Variants in ZNF420 observed in about 807,000 individuals in gnomAD.
The protein encoded by ZNF420 is zinc finger protein 420, also known as ATM and p53-associated KZNF protein.
Under a neutral mutation model 44.7 loss-of-function variants are expected in ZNF420, and 31 were observed. That is an observed-to-expected ratio of 0.69 (90% CI 0.52 to 0.94). The LOEUF (loss-of-function observed/expected upper bound fraction) is 0.94, where lower values mean the gene tolerates loss of function less well. Among genes scored for constraint, ZNF420 ranks in the 40% least tolerant of loss-of-function variants. The pLI is 0.00. For synonymous variants in ZNF420, 245 were observed against 267.4 expected (o/e 0.92, Z 0.82); for missense variants, 681 against 827.9 (o/e 0.82, Z 2.18).
upstream of ZNF420, among the ~76,000 whole-genome samples, chr19:37,073,766 A>G (rs1271796674): frequency 6.6e-6 from 1 of 150,714 alleles, no homozygotes; most frequent in Non-Finnish European, 1.5e-5. Context: ...AAAAAAAAAA[A>G]GAAAAGAAAA....
chr19:37,058,618 T>C (rs1259607747), intron 1 of ZNF420, among the ~76,000 whole-genome samples: 6 of 152,062 alleles, frequency 3.9e-5, no homozygotes, highest in Non-Finnish European at 7.4e-5. Flanking sequence ...CTGGCTTGGA[T>C]TCAGGCACGG....
chr19:37,020,184 T>C (rs1232086564), intron 1 of ZNF420, among the ~76,000 whole-genome samples: 1 of 136,980 alleles, frequency 7.3e-6, no homozygotes, highest in Non-Finnish European at 1.5e-5. Flanking sequence ...GCCACTGCAC[T>C]CCAGCCTGGG....
intron 1 of ZNF420, among the ~76,000 whole-genome samples, chr19:37,038,269 A>T (rs894500729): frequency 6.6e-6 from 1 of 152,234 alleles, no homozygotes; most frequent in Non-Finnish European, 1.5e-5. Context: ...TCCTTCATCA[A>T]GTCGTAATCA....
In ZNF420 at chr19:37,128,954, G is replaced by T; in HGVS notation, c.1963G>T (p.Gly655Cys). The T allele has an allele frequency of 6.2e-7, 1 of 1,614,098 alleles. No homozygotes were observed. The highest frequency in any genetic ancestry group is 8.5e-7 in the Non-Finnish European group (1 of 1,179,978). Reference protein sequence around the residue: ...CKECGKAFTRGSQLTQHQRIH... With the variant: ...CKECGKAFTRCSQLTQHQRIH... ...GGAATGTGGGAAGGCCTTTACTCGT[G>T]GTTCACAGCTAACTCAACATCAGAG... is the stretch of plus-strand genomic sequence containing the variant. The change falls in exon 5 of 5, where the codon GGT becomes TGT. Residue 655 changes from glycine to cysteine, a missense_variant. Physicochemically the swap from Gly to Cys is radical, Grantham distance 159. Around this residue, in one of 3 missense-constraint regions of ZNF420, gnomAD observed 280 missense variants for 338.6 expected, o/e 0.83. Coordinates refer to ENST00000337995, the MANE Select transcript of ZNF420 (RefSeq NM_144689.5).
At chr19:37,102,336 G>A (rs2090020633) in intron 4 of ZNF420, among the ~76,000 whole-genome samples, 1 of 152,180 alleles carries the variant, frequency 6.6e-6, no homozygotes, top group Admixed American at 6.5e-5. Context: ...ATCTTACTCT[G>A]GATCCTTGTA....
intron 4 of ZNF420, among the ~76,000 whole-genome samples, chr19:37,112,970 C>T (rs1367832561): frequency 1.3e-5 from 2 of 152,124 alleles, no homozygotes; most frequent in African/African-American, 4.8e-5. Flanking sequence ...GCTGCACTGC[C>T]GCTTGTGGCC....
At chr19:37,025,807 C>T (rs981352146) in intron 1 of ZNF420, among the ~76,000 whole-genome samples, 3 of 145,634 alleles carry the variant, frequency 2.1e-5, no homozygotes, top group Admixed American at 7.0e-5. Flanking sequence ...GACAAGGTCT[C>T]GCTCTGTTGC....
At chr19:37,014,144 T>A (rs1270524418) in intron 1 of ZNF420, among the ~76,000 whole-genome samples, 1 of 151,964 alleles carries the variant, frequency 6.6e-6, no homozygotes, top group Non-Finnish European at 1.5e-5. Context: ...ATTGAGTAGG[T>A]ACTTCTCAAG....
At chr19:37,088,045 A>G (rs961204002) in intron 2 of ZNF420, among the ~76,000 whole-genome samples, 3 of 152,202 alleles carry the variant, frequency 2.0e-5, no homozygotes, top group African/African-American at 2.4e-5. Flanking sequence ...TGCGGGCCAC[A>G]TGGTCTCTGC....
At chr19:37,070,676 T>C (rs1222274357) in intron 1 of ZNF420, among the ~76,000 whole-genome samples, 2 of 152,144 alleles carry the variant, frequency 1.3e-5, no homozygotes, top group Non-Finnish European at 2.9e-5. Flanking sequence ...AGCAGAGAAA[T>C]GCAAATTAAA....
chr19:37,080,610 G>A (rs1436151166), intron 2 of ZNF420, among the ~76,000 whole-genome samples: 1 of 152,158 alleles, frequency 6.6e-6, no homozygotes, highest in Non-Finnish European at 1.5e-5. Context: ...TTTAAAAAGG[G>A]GAAGAGAGAA....
Position 37,085,468 on chromosome 19 carries a change from C to G in ZNF420, c.-80-3571C>G, listed in dbSNP as rs544636976. ...ACCAGGTCATTCCTGGCAGGCCACA[C>G]AGGGGAAAGGTGGCCTCCCCGCAGC... On this transcript the variant is annotated intron_variant, in intron 2 of 4. Coordinates refer to ENST00000337995, the MANE Select transcript of ZNF420 (RefSeq NM_144689.5). Among the ~76,000 whole-genome samples, 28 of 152,306 alleles carry G rather than the reference C, an allele frequency of 1.8e-4. No individual in the cohort carries two copies. In the South Asian group the frequency reaches 5.6e-3, roughly 30 times the overall value.
chr19:37,062,472 A>G lies in ZNF420; in HGVS notation c.-124-17873A>G, dbSNP rs182422592. On this transcript the variant is annotated intron_variant, in intron 1 of 4. Coordinates refer to the ZNF420 transcript ENST00000587029. ...AGAAATTAATAGGCTTTTTTATGAA[A>G]GACAGTGCAAACTATATAATGAATT... Among the ~76,000 whole-genome samples, 461 of 152,322 alleles carry G rather than the reference A, an allele frequency of 3.0e-3. 3 individuals carry two copies. The highest frequency in any genetic ancestry group is 4.9e-3 in the Non-Finnish European group (336 of 68,036).
intron 1 of ZNF420, among the ~76,000 whole-genome samples, chr19:37,068,020 CTT>C (rs1967998112): frequency 2.0e-5 from 3 of 151,854 alleles, no homozygotes; most frequent in Admixed American, 6.6e-5. Context: ...TATATATACA[CTT>C]ACACACACAC....
At chr19:37,098,316 T>A (rs1969576467) in intron 4 of ZNF420, among the ~76,000 whole-genome samples, 1 of 152,162 alleles carries the variant, frequency 6.6e-6, no homozygotes, top group South Asian at 2.1e-4. Flanking sequence ...ATCTATTGCC[T>A]TGAATATTAG....
At chr19:37,109,636 G>A (rs577144274) in intron 4 of ZNF420, 2 of 152,234 alleles carry the variant, frequency 1.3e-5, no homozygotes, top group East Asian at 1.9e-4. Context: ...TTGCATCTCC[G>A]ACAGGTTCAT....
At position 37,089,092 on chromosome 19, in the gene ZNF420, T is replaced by C. The variant is rs1280284807; in HGVS notation, c.-27T>C. ...CTAAGATAGGAACCCAGAAGAGGAC[T>C]GATCATTTCTTGCAGCTCTAAAAAC... is the stretch of plus-strand genomic sequence containing the variant. On this transcript the variant is annotated 5_prime_UTR_variant, in exon 3 of 5. Coordinates refer to ENST00000337995, the MANE Select transcript of ZNF420 (RefSeq NM_144689.5). 1.2e-6 allele frequency: 2 copies of C among 1,611,580 alleles called. No individual in the cohort carries two copies. The highest frequency in any genetic ancestry group is 1.1e-5 in the South Asian group (1 of 91,030).
intron 1 of ZNF420, among the ~76,000 whole-genome samples, chr19:37,015,618 TAC>T (rs1403304755): frequency 7.2e-5 from 11 of 152,024 alleles, no homozygotes; most frequent in Non-Finnish European, 1.5e-4. Flanking sequence ...GGGGTGAGGA[TAC>T]AGTCTGATGA....
At chr19:37,089,227 A>G in intron 3 of ZNF420, 100 bp downstream of exon 3, 2 of 1,028,552 alleles carry the variant, frequency 1.9e-6, no homozygotes, top group Non-Finnish European at 3.1e-6. Flanking sequence ...AACTGACCTC[A>G]CTCAGGAATG....
Sources: gnomAD v4.1 joint callset for allele counts (sites outside exome capture counted in the v4.1 genomes callset) on GRCh38, gnomAD v4.1.1 for gene constraint, gnomAD v4.1.1 regional missense constraint, MANE v1.5 for transcripts, NCBI Gene and HGNC (gene_info 2026-07-23, HGNC 2026-07-21) for gene names.